CAMTA1: variants seen among roughly 807,000 people sequenced by gnomAD.
CAMTA1 encodes calmodulin binding transcription activator 1.
In CAMTA1, 27 loss-of-function variants were observed where a neutral mutation model predicts 170.9. The observed-to-expected ratio is 0.16, with a 90% CI of 0.12 to 0.22. The LOEUF (loss-of-function observed/expected upper bound fraction) is 0.22. CAMTA1 is among the 10% of genes least tolerant of loss of function. The pLI is 1.00. For missense variants in CAMTA1, 1,619 were observed against 2,217.2 expected, an observed-to-expected ratio of 0.73 and a Z score of 5.42; for synonymous variants, 833 against 891.5, an observed-to-expected ratio of 0.93 and a Z score of 1.17.
chr1:7,674,968 A>C lies in CAMTA1; in HGVS notation c.2780-2631A>C, dbSNP rs966130577. On this transcript the variant is annotated intron_variant, in intron 10 of 22. Coordinates refer to ENST00000303635, the MANE Select transcript of CAMTA1 (RefSeq NM_015215.4). This position sits in a 1 kb window ranked among gnomAD's most constrained non-coding sequence, Gnocchi z 4.1. ...AATGTTCTACTGCAGGGAGACAGAAAACAAACAAGGAGAAAAAGAAATAAC... is the reference window on the plus strand; with the variant it reads ...AATGTTCTACTGCAGGGAGACAGAACACAAACAAGGAGAAAAAGAAATAAC... Among the ~76,000 whole-genome samples, 1 of 152,202 alleles carries C rather than the reference A, an allele frequency of 6.6e-6. No homozygotes were observed. Among genetic ancestry groups the C allele is most frequent in the Non-Finnish European group, 1.5e-5 (1 of 68,032 alleles).
intron 6 of CAMTA1, among the ~76,000 whole-genome samples, chr1:7,628,299 C>A (rs989561870): frequency 1.3e-5 from 2 of 152,232 alleles, no homozygotes; most frequent in African/African-American, 4.8e-5. Flanking sequence ...TAGTGATTAG[C>A]ACTGATTGGC....
At chr1:7,114,574 C>G (rs1439096248) in intron 4 of CAMTA1, among the ~76,000 whole-genome samples, 1 of 152,214 alleles carries the variant, frequency 6.6e-6, no homozygotes, top group Non-Finnish European at 1.5e-5. Flanking sequence ...GTTGGACAAG[C>G]TTGACATAGG....
chr1:7,557,305 TC>T (rs1330534968), intron 6 of CAMTA1, among the ~76,000 whole-genome samples: 1 of 145,446 alleles, frequency 6.9e-6, no homozygotes, highest in African/African-American at 2.5e-5. Flanking sequence ...AAGACTCCGT[TC>T]AGAAAAAAAA....
intron 7 of CAMTA1, among the ~76,000 whole-genome samples, chr1:7,656,367 C>T (rs2095903150): frequency 6.6e-6 from 1 of 152,228 alleles, no homozygotes; most frequent in African/African-American, 2.4e-5. Flanking sequence ...CTCATATAAC[C>T]ATCTATCTAG....
At chr1:7,019,946 T>G (rs1332584053) in intron 3 of CAMTA1, among the ~76,000 whole-genome samples, 1 of 152,202 alleles carries the variant, frequency 6.6e-6, no homozygotes, top group Non-Finnish European at 1.5e-5. Context: ...TGTTTGTGAT[T>G]CCAGAAATAA....
In CAMTA1 at chr1:7,736,493, C is replaced by T. The variant is rs140139043; in HGVS notation, c.3216C>T (p.Ala1072=). ...TFRGMTLLHL[A]AAQGYATLIQ... is the part of the protein sequence containing the mutation. The stretch of plus-strand genomic sequence containing the variant: ...GCGGAATGACCCTACTCCACCTGGC[C>T]GCTGCCCAGGGCTATGCCACCCTAA... Residue 1072 remains alanine, a synonymous_variant, in exon 13 of 23, where the codon GCC becomes GCT. Transcript: ENST00000303635. This position sits in a 1 kb window ranked among gnomAD's most constrained non-coding sequence, Gnocchi z 4.5. 288 of 1,614,144 alleles carry T rather than the reference C, an allele frequency of 1.8e-4. 3 individuals carry two copies. In the South Asian group the frequency reaches 2.6e-3, roughly 15 times the overall value.
intron 5 of CAMTA1, among the ~76,000 whole-genome samples, chr1:7,417,773 C>T: frequency 6.6e-6 from 1 of 152,184 alleles, no homozygotes; most frequent in South Asian, 2.1e-4. Flanking sequence ...CAGTGTGCCG[C>T]ACCCACTGTC....
chr1:7,126,996 C>A (rs570000566), intron 4 of CAMTA1, among the ~76,000 whole-genome samples: 67 of 152,190 alleles, frequency 4.4e-4, no homozygotes, highest in Middle Eastern at 6.8e-3. Context: ...GTCTTGATCT[C>A]CTGACCTCAT....
At chr1:7,402,685 C>G (rs2089993803) in intron 5 of CAMTA1, among the ~76,000 whole-genome samples, 1 of 152,170 alleles carries the variant, frequency 6.6e-6, no homozygotes, top group South Asian at 2.1e-4. Flanking sequence ...CTGGGTTTGA[C>G]AGTGAACATG....
intron 5 of CAMTA1, among the ~76,000 whole-genome samples, chr1:7,305,411 A>T (rs1318252043): frequency 2.6e-5 from 4 of 151,766 alleles, no homozygotes; most frequent in Non-Finnish European, 5.9e-5. Context: ...ACTAAACCCC[A>T]GCTGGTATTT....
At position 6,887,724 on chromosome 1, in the gene CAMTA1, G is replaced by T; in HGVS notation, c.234+62514G>T. The T allele has an allele frequency of 6.5e-7, 1 of 1,535,234 alleles. No individual in the cohort carries two copies. Among genetic ancestry groups the T allele is most frequent in the South Asian group, 1.2e-5 (1 of 84,020 alleles). ...CCACAGAGCTGGAGCCATGAGGGCT[G>T]ACACATTGGAATGAAAGCTGGCAGA... On this transcript the variant is annotated intron_variant, in intron 3 of 22. Transcript: ENST00000303635. This position sits in a 1 kb window ranked among gnomAD's most constrained non-coding sequence, Gnocchi z 4.1.
At chr1:7,451,421 G>A (rs11120932) in intron 5 of CAMTA1, among the ~76,000 whole-genome samples, 63,367 of 151,954 alleles carry the variant, frequency 0.42, 13,651 homozygotes, top group Middle Eastern at 0.52. Flanking sequence ...CACTGCCTAC[G>A]GAGGGTCACA....
At chr1:7,593,328 G>A (rs900937407) in intron 6 of CAMTA1, among the ~76,000 whole-genome samples, 1 of 152,080 alleles carries the variant, frequency 6.6e-6, no homozygotes, top group African/African-American at 2.4e-5. Context: ...TGCTCTCATA[G>A]AGTTGGTGAC....
intron 6 of CAMTA1, among the ~76,000 whole-genome samples, chr1:7,525,702 A>G (rs1178094456): frequency 6.6e-6 from 1 of 152,106 alleles, no homozygotes; most frequent in African/African-American, 2.4e-5. Flanking sequence ...TCATCTGAAT[A>G]TCTGTGAAAC....
chr1:7,766,465 A>G lies in CAMTA1; in HGVS notation c.4996A>G (p.Arg1666Gly). 1 of 1,614,160 alleles carries G rather than the reference A, an allele frequency of 6.2e-7. No individual in the cohort carries two copies. Among genetic ancestry groups the G allele is most frequent in the East Asian group, 2.2e-5 (1 of 44,880 alleles). Residue 1666 changes from arginine (R) to glycine (G), a missense_variant, in exon 23 of 23, where the codon AGA (arginine) becomes GGA (glycine). Arg to Gly is a moderately radical substitution (Grantham distance 125, BLOSUM62 -2). This residue lies in a region of CAMTA1 where 128 missense variants were observed against 213.5 expected (regional missense o/e 0.60). Transcript: ENST00000303635. ...TGTTTTGTTTCTCTTCCAGAGTGAA[A>G]GAATTGAAAAAGGCCAAGGAACTTG... ...VDHRLYKRSE[R>G]IEKGQGT is the part of the protein sequence containing the mutation.
intron 3 of CAMTA1, among the ~76,000 whole-genome samples, chr1:6,951,045 T>C (rs1330119921): frequency 6.6e-6 from 1 of 152,212 alleles, no homozygotes; most frequent in Non-Finnish European, 1.5e-5. Context: ...TTGCTTTTCC[T>C]TGTGGTTTTG....
chr1:6,921,177 C>G (rs1681935395), intron 3 of CAMTA1, among the ~76,000 whole-genome samples: 1 of 152,240 alleles, frequency 6.6e-6, no homozygotes, highest in South Asian at 2.1e-4. Context: ...GAAATTTCTT[C>G]TGCCAGATAA....
rs539539805 is a variant in CAMTA1 at position 7,674,407 on chromosome 1, G to A, written c.2780-3192G>A. On this transcript the variant is annotated intron_variant, in intron 10 of 22. Transcript: ENST00000303635. The surrounding 1 kb of genome is among the most constrained non-coding windows in gnomAD (Gnocchi z 4.1). Reference sequence around the variant, plus strand: ...GACTCAGGCTTGGGAGAAGATAGGGGAATCCACCAAGAAGACTCTACTGGC... The same window carrying A: ...GACTCAGGCTTGGGAGAAGATAGGGAAATCCACCAAGAAGACTCTACTGGC... Among the ~76,000 whole-genome samples the A allele has an allele frequency of 8.5e-5, 13 of 152,250 alleles. No individual in the cohort carries two copies. In the South Asian group the frequency reaches 1.5e-3, roughly 17 times the overall value.
intron 4 of CAMTA1, among the ~76,000 whole-genome samples, chr1:7,244,383 A>G (rs892935878): frequency 6.6e-5 from 10 of 152,248 alleles, no homozygotes; most frequent in Non-Finnish European, 8.8e-5. Context: ...TAGCCATCCC[A>G]TTACTGGGCA....
Sources: allele counts gnomAD v4.1 joint callset (sites outside exome capture counted in the v4.1 genomes callset), GRCh38; gene constraint gnomAD v4.1.1; regional missense constraint gnomAD v4.1.1; non-coding constraint Gnocchi (gnomAD v3.1); transcripts MANE v1.5; gene names NCBI Gene and HGNC (gene_info 2026-07-23, HGNC 2026-07-21).